Variants in CADM2 observed in about 807,000 individuals in gnomAD.
CADM2 encodes immunoglobulin superfamily member 4D.
In CADM2, 12 loss-of-function variants were observed where a neutral mutation model predicts 49.8. The ratio of observed to expected loss-of-function variants is 0.24; its 90% CI spans 0.15 to 0.39. CADM2 has a LOEUF of 0.39. CADM2 is among the 10% of genes least tolerant of loss of function. The pLI, the probability that CADM2 is intolerant of heterozygous loss-of-function variation, is 1.00. For missense variants in CADM2, 378 were observed against 492.3 expected (o/e 0.77, Z 2.20); for synonymous variants, 214 against 175.4 (o/e 1.22, Z -1.74).
chr3:85,344,380 A>AAAAT (rs74850280), intron 1 of CADM2, among the ~76,000 whole-genome samples: 40,702 of 140,046 alleles, frequency 0.29, 6,356 homozygotes, highest in East Asian at 0.59. Context: ...ACACCATCTC[A>AAAAT]AAATAAATAA....
At chr3:85,310,995 T>C (rs1000379542) in intron 1 of CADM2, among the ~76,000 whole-genome samples, 9 of 152,194 alleles carry the variant, frequency 5.9e-5, no homozygotes, top group Non-Finnish European at 1.0e-4. Context: ...AAATGATTAT[T>C]CTGCCCATGA....
intron 3 of CADM2, among the ~76,000 whole-genome samples, chr3:85,829,682 C>T (rs968530960): frequency 1.3e-5 from 2 of 151,884 alleles, no homozygotes; most frequent in Non-Finnish European, 2.9e-5. Context: ...TTTCTTTGCC[C>T]CTTTCCCAGT....
chr3:86,002,060 A>G (rs1230466461), intron 8 of CADM2, among the ~76,000 whole-genome samples: 1 of 152,108 alleles, frequency 6.6e-6, no homozygotes, highest in Non-Finnish European at 1.5e-5. Context: ...GATGAATATA[A>G]AATACTGATG....
intron 1 of CADM2, among the ~76,000 whole-genome samples, chr3:85,388,834 A>G (rs561286351): frequency 6.6e-6 from 1 of 152,268 alleles, no homozygotes; most frequent in East Asian, 1.9e-4. Flanking sequence ...TATTTTTGAA[A>G]GGTATGAAGT....
chr3:85,383,516 G>GTATA (rs994717831), intron 1 of CADM2, among the ~76,000 whole-genome samples: 19 of 24,456 alleles, frequency 7.8e-4, no homozygotes, highest in African/African-American at 2.7e-3. Flanking sequence ...ATATATATAT[G>GTATA]TATATATATA....
chr3:85,021,020 G>C (rs1387022396), intron 1 of CADM2, among the ~76,000 whole-genome samples: 1 of 151,036 alleles, frequency 6.6e-6, no homozygotes, highest in African/African-American at 2.4e-5. Flanking sequence ...GGGAGGCCAA[G>C]GTGGGAGAAT....
intron 1 of CADM2, among the ~76,000 whole-genome samples, chr3:85,319,566 G>T (rs774263748): frequency 6.6e-6 from 1 of 152,146 alleles, no homozygotes; most frequent in African/African-American, 2.4e-5. Flanking sequence ...ATGGCAGATC[G>T]GATAAAGAAA....
chr3:85,775,658 AT>A (rs2070325623), intron 2 of CADM2, among the ~76,000 whole-genome samples: 1 of 151,820 alleles, frequency 6.6e-6, no homozygotes, highest in Admixed American at 6.6e-5. Flanking sequence ...TATAAAATAG[AT>A]TTGGTGCTAT....
intron 2 of CADM2, among the ~76,000 whole-genome samples, chr3:85,759,980 A>C (rs1337223053): frequency 6.6e-6 from 1 of 152,168 alleles, no homozygotes; most frequent in Non-Finnish European, 1.5e-5. Context: ...CTTTAAGTAC[A>C]TAAATTTATG....
chr3:86,009,901 T>A (rs568877759), intron 8 of CADM2, among the ~76,000 whole-genome samples: 5 of 152,004 alleles, frequency 3.3e-5, no homozygotes, highest in African/African-American at 1.2e-4. Flanking sequence ...TTATGTCATA[T>A]GATTATTTTG....
intron 5 of CADM2, among the ~76,000 whole-genome samples, chr3:85,906,155 A>G (rs1716780594): frequency 6.6e-6 from 1 of 152,154 alleles, no homozygotes; most frequent in South Asian, 2.1e-4. Context: ...GCCATATGTT[A>G]TTATATTTTG....
chr3:85,780,211 G>A (rs751233443), intron 2 of CADM2, among the ~76,000 whole-genome samples: 1 of 152,096 alleles, frequency 6.6e-6, no homozygotes, highest in Admixed American at 6.6e-5. Context: ...CTAGTAGGCC[G>A]ACATGTACAT....
chr3:85,896,279 T>G (rs1715206689), intron 5 of CADM2, among the ~76,000 whole-genome samples: 1 of 152,082 alleles, frequency 6.6e-6, no homozygotes, highest in Admixed American at 6.5e-5. Flanking sequence ...TAGTAAGACC[T>G]CGTCTCAAAT....
At chr3:85,236,934 T>A (rs9681960) in intron 1 of CADM2, among the ~76,000 whole-genome samples, 33,459 of 151,976 alleles carry the variant, frequency 0.22, 6,051 homozygotes, top group African/African-American at 0.5. Flanking sequence ...CCAGACTCTG[T>A]GCACCTCCAG....
At chr3:85,688,706 T>G (rs2066289702) in intron 1 of CADM2, among the ~76,000 whole-genome samples, 1 of 152,026 alleles carries the variant, frequency 6.6e-6, no homozygotes, top group South Asian at 2.1e-4. Flanking sequence ...TAGCTGAGAT[T>G]ACAGGCACCC....
At chr3:85,203,805 A>G (rs913326762) in intron 1 of CADM2, among the ~76,000 whole-genome samples, 8 of 152,222 alleles carry the variant, frequency 5.3e-5, no homozygotes, top group Admixed American at 6.5e-5. Context: ...CTTGTATTTC[A>G]TAATTTCAAC....
chr3:85,829,666 T>TC (rs2074095781), intron 3 of CADM2, among the ~76,000 whole-genome samples: 1 of 151,942 alleles, frequency 6.6e-6, no homozygotes, highest in Non-Finnish European at 1.5e-5. Flanking sequence ...GACTGACATT[T>TC]CCCCATTTCT....
intron 1 of CADM2, among the ~76,000 whole-genome samples, chr3:85,065,290 T>G (rs1576148734): frequency 6.6e-6 from 1 of 152,222 alleles, no homozygotes; most frequent in East Asian, 1.9e-4. Flanking sequence ...AAAAAACAAT[T>G]ATTTTCTATT....
intron 1 of CADM2, among the ~76,000 whole-genome samples, chr3:85,657,867 AAG>A (rs2065262346): frequency 6.6e-6 from 1 of 151,490 alleles, no homozygotes; most frequent in Non-Finnish European, 1.5e-5. Flanking sequence ...TTTATTTAGA[AAG>A]AGTGTAATTG....
Sources: gnomAD v4.1 joint callset for allele counts (sites outside exome capture counted in the v4.1 genomes callset) on GRCh38, gnomAD v4.1.1 for gene constraint, MANE v1.5 for transcripts, NCBI Gene and HGNC (gene_info 2026-07-23, HGNC 2026-07-21) for gene names.